ROCK2: variants seen among roughly 807,000 people sequenced by gnomAD.
The protein encoded by ROCK2 is Rho associated coiled-coil containing protein kinase 2, also known as rho-associated protein kinase 2.
Under a neutral mutation model 195.1 loss-of-function variants are expected in ROCK2, and 61 were observed. The ratio of observed to expected loss-of-function variants is 0.31; its 90% confidence interval spans 0.25 to 0.39. ROCK2 has a LOEUF of 0.39. ROCK2 is among the 10% of genes least tolerant of loss of function. The pLI is 1.00. For missense variants in ROCK2, 1,109 were observed against 1,637.4 expected (o/e 0.68, Z 5.57); for synonymous variants, 504 against 545.5 (o/e 0.92, Z 1.06).
intron 3 of ROCK2, among the ~76,000 whole-genome samples, chr2:11,275,053 T>G (rs1454328919): frequency 2.0e-5 from 3 of 152,122 alleles, no homozygotes; most frequent in Admixed American, 6.5e-5. Flanking sequence ...GGTCAGGAGG[T>G]CGAGACCAGC....
intron 3 of ROCK2, among the ~76,000 whole-genome samples, chr2:11,281,402 T>C (rs966280985): frequency 6.6e-6 from 1 of 152,106 alleles, no homozygotes; most frequent in African/African-American, 2.4e-5. Context: ...TCCGAGGTAA[T>C]GCAATAACAC....
rs1663070496 is a variant in ROCK2 at position 11,183,232 on chromosome 2, T to A, written c.*205A>T. On this transcript the variant is annotated 3_prime_UTR_variant, in exon 33 of 33. Transcript: ENST00000315872. ...TATCCTTAGTCTATCAACCAATCAT[T>A]GTTGGTTCAACCTGTTGCTTCAAAG... The A allele has an allele frequency of 2.0e-6, 1 of 489,066 alleles. No homozygotes were observed. Among genetic ancestry groups the A allele is most frequent in the East Asian group, 3.5e-5 (1 of 28,206 alleles). The allele number at this position is 489,066 out of a possible 1,614,324, so 30.3% of individuals were successfully genotyped here.
At chr2:11,292,993 T>C (rs763577250) in intron 1 of ROCK2, among the ~76,000 whole-genome samples, 4 of 152,208 alleles carry the variant, frequency 2.6e-5, no homozygotes, top group African/African-American at 4.8e-5. Flanking sequence ...TTCCCTTTGC[T>C]TTCTGTCATG....
At chr2:11,216,083 A>G in intron 13 of ROCK2, 75 bp downstream of exon 13, 1 of 1,127,536 alleles carries the variant, frequency 8.9e-7, no homozygotes. Flanking sequence ...TGGTACCAAG[A>G]GAGCTCCTTA....
rs1558266467 is a variant in ROCK2 at position 11,181,132 on chromosome 2, TACTC to T, written c.*2301_*2304del. The T allele has an allele frequency of 1.3e-5, 2 of 149,298 alleles. No individual in the cohort carries two copies. Among genetic ancestry groups the T allele is most frequent in the African/African-American group, 4.9e-5 (2 of 40,918 alleles). 9.2% of individuals were successfully genotyped at this position (149,298 alleles called of 1,614,324 possible). ...GCCTTTTTTACTCAAATATTTCAGT[TACTC>T]ATATGTAAACTTGAAATTATTTCAC... is the stretch of plus-strand genomic sequence containing the variant. On this transcript the variant is annotated 3_prime_UTR_variant, in exon 33 of 33. Transcript: ENST00000315872.
intron 1 of ROCK2, 28 bp from the exon 2 acceptor site, chr2:11,287,764 C>A: frequency 2.2e-6 from 2 of 926,336 alleles, no homozygotes; most frequent in South Asian, 2.7e-5. Context: ...GAGGAAATGA[C>A]AGTTTTTACA....
At chr2:11,324,708 G>A (rs1668496664) in intron 1 of ROCK2, among the ~76,000 whole-genome samples, 1 of 152,190 alleles carries the variant, frequency 6.6e-6, no homozygotes, top group Non-Finnish European at 1.5e-5. Flanking sequence ...CATGGCACTG[G>A]AAAAATGACA....
chr2:11,239,966 C>A (rs931256387), intron 4 of ROCK2, among the ~76,000 whole-genome samples: 1 of 152,204 alleles, frequency 6.6e-6, no homozygotes, highest in Non-Finnish European at 1.5e-5. Context: ...GCACACAGGA[C>A]AAAGTGTGGA....
At chr2:11,340,518 T>C (rs996909045) in intron 1 of ROCK2, among the ~76,000 whole-genome samples, 3 of 152,148 alleles carry the variant, frequency 2.0e-5, no homozygotes, top group African/African-American at 4.8e-5. Flanking sequence ...TAAAGTAAAC[T>C]AGTCACAAAT....
intron 9 of ROCK2, among the ~76,000 whole-genome samples, chr2:11,220,887 C>T (rs1664615996): frequency 6.6e-6 from 1 of 152,178 alleles, no homozygotes; most frequent in African/African-American, 2.4e-5. Flanking sequence ...GCAACTGTCA[C>T]ATTTTACCCT....
At chr2:11,341,645 CTG>C (rs57335697) in intron 1 of ROCK2, among the ~76,000 whole-genome samples, 6,464 of 152,190 alleles carry the variant, frequency 0.042, 278 homozygotes, top group Non-Finnish European at 0.06. Flanking sequence ...AGTGTCGCAG[CTG>C]TGTTTGCTTT....
intron 23 of ROCK2, among the ~76,000 whole-genome samples, chr2:11,199,492 A>C (rs1269462891): frequency 6.6e-6 from 1 of 150,496 alleles, no homozygotes; most frequent in Non-Finnish European, 1.5e-5. Flanking sequence ...TGGATAAAAA[A>C]AATTTTTTTT....
At chr2:11,298,113 A>T (rs1253991382) in intron 1 of ROCK2, among the ~76,000 whole-genome samples, 2 of 152,140 alleles carry the variant, frequency 1.3e-5, no homozygotes, top group Non-Finnish European at 2.9e-5. Context: ...GTGAGGGTAT[A>T]TATAGACATA....
At chr2:11,285,752 G>C (rs2148191726) in intron 3 of ROCK2, among the ~76,000 whole-genome samples, 1 of 152,188 alleles carries the variant, frequency 6.6e-6, no homozygotes, top group Non-Finnish European at 1.5e-5. Context: ...GCTTGAGCTT[G>C]AGAAGTCAAG....
At chr2:11,340,359 C>T (rs1669064324) in intron 1 of ROCK2, among the ~76,000 whole-genome samples, 1 of 152,168 alleles carries the variant, frequency 6.6e-6, no homozygotes, top group Non-Finnish European at 1.5e-5. Context: ...TTACCAAAAA[C>T]TGGGTTTTTT....
intron 1 of ROCK2, among the ~76,000 whole-genome samples, chr2:11,331,154 G>A (rs1411863088): frequency 6.6e-6 from 1 of 152,080 alleles, no homozygotes; most frequent in African/African-American, 2.4e-5. Flanking sequence ...ACTCAAAATA[G>A]TTTATCTAAC....
Position 11,321,696 on chromosome 2 carries a change from A to G in ROCK2, c.141+22300T>C, listed in dbSNP as rs565728639. Among the ~76,000 whole-genome samples, 65 of 152,252 alleles carry G rather than the reference A, an allele frequency of 4.3e-4. 1 individual carries two copies. In the South Asian group the frequency reaches 0.013, roughly 30 times the overall value. On this transcript the variant is annotated intron_variant, in intron 1 of 32. Coordinates refer to ENST00000315872, the MANE Select transcript of ROCK2 (RefSeq NM_004850.5). ...ACAGACAGGAAAGCGACCAGTTTAC[A>G]CTGATCAAAGGAGGAAGGATCACAA... is the stretch of plus-strand genomic sequence containing the variant.
intron 1 of ROCK2, among the ~76,000 whole-genome samples, chr2:11,324,868 A>G (rs1668501984): frequency 1.3e-5 from 2 of 152,228 alleles, no homozygotes; most frequent in African/African-American, 4.8e-5. Flanking sequence ...CTTATTATTT[A>G]AAATATCTAT....
intron 5 of ROCK2, among the ~76,000 whole-genome samples, chr2:11,227,856 GAATTGGCTCTTGTATTACCAAGAAAAAA>G (rs1283708880): frequency 7.9e-5 from 12 of 152,010 alleles, no homozygotes; most frequent in Admixed American, 1.3e-4. Flanking sequence ...ACTGAATAAA[GAATTGGCTCTTGTATTACCAAGAAAAAA>G]AATGAAGAAA....
Sources: gnomAD v4.1 joint callset for allele counts (sites outside exome capture counted in the v4.1 genomes callset) on GRCh38, gnomAD v4.1.1 for gene constraint, MANE v1.5 for transcripts, NCBI Gene and HGNC (gene_info 2026-07-23, HGNC 2026-07-21) for gene names.